Variants in SH3RF3 observed in about 807,000 individuals in gnomAD.
SH3RF3 encodes the protein E3 ubiquitin-protein ligase SH3RF3.
In SH3RF3, 29 loss-of-function variants were observed where a neutral mutation model predicts 66.3. The ratio of observed to expected loss-of-function variants is 0.44; its 90% CI spans 0.33 to 0.60. The LOEUF (loss-of-function observed/expected upper bound fraction) is 0.60, where lower values mean the gene tolerates loss of function less well. Among genes scored for constraint, SH3RF3 ranks in the 20% least tolerant of loss-of-function variants. The pLI is 0.04. For missense variants in SH3RF3, 1,194 were observed against 1,190.9 expected, an observed-to-expected ratio of 1.00 and a Z score of -0.04; for synonymous variants, 583 against 532.0, an observed-to-expected ratio of 1.10 and a Z score of -1.32.
At chr2:109,373,194 T>G (rs1252076429) in intron 3 of SH3RF3, among the ~76,000 whole-genome samples, 3 of 152,252 alleles carry the variant, frequency 2.0e-5, no homozygotes, top group Non-Finnish European at 4.4e-5. Context: ...TTTGCACATT[T>G]GCTTTAGCTT....
intron 1 of SH3RF3, among the ~76,000 whole-genome samples, chr2:109,211,303 C>T (rs1313969424): frequency 6.6e-6 from 1 of 152,152 alleles, no homozygotes; most frequent in Non-Finnish European, 1.5e-5. Flanking sequence ...GGTTACAAGC[C>T]TGGATTTTGT....
chr2:109,224,783 G>A (rs1170942583), intron 1 of SH3RF3, among the ~76,000 whole-genome samples: 1 of 152,160 alleles, frequency 6.6e-6, no homozygotes, highest in Non-Finnish European at 1.5e-5. Flanking sequence ...CTTGAAACCT[G>A]GAGAGGGAGG....
chr2:109,320,367 A>G (rs572724445), intron 1 of SH3RF3, among the ~76,000 whole-genome samples: 7 of 152,212 alleles, frequency 4.6e-5, no homozygotes, highest in Non-Finnish European at 1.0e-4. Flanking sequence ...CCACCTGAGC[A>G]GCAGGTACAA....
intron 1 of SH3RF3, among the ~76,000 whole-genome samples, chr2:109,319,757 C>T (rs7583358): frequency 1.3e-5 from 2 of 152,328 alleles, no homozygotes; most frequent in South Asian, 2.1e-4. Context: ...CTGTCCAGGC[C>T]GTGTGTGGCT....
chr2:109,198,722 G>A (rs1440027144), intron 1 of SH3RF3, among the ~76,000 whole-genome samples: 1 of 152,122 alleles, frequency 6.6e-6, no homozygotes, highest in Non-Finnish European at 1.5e-5. Context: ...CATTCGTGAA[G>A]GTTCCACCCT....
intron 1 of SH3RF3, among the ~76,000 whole-genome samples, chr2:109,213,419 A>G (rs1679038066): frequency 6.6e-6 from 1 of 152,196 alleles, no homozygotes; most frequent in East Asian, 1.9e-4. Context: ...TTTATTAGGG[A>G]AGAAAGTGTT....
At position 109,223,594 on chromosome 2, in the gene SH3RF3, G is replaced by C. The variant is rs1679305651; in HGVS notation, c.573+93481G>C. On this transcript the variant is annotated intron_variant, in intron 1 of 9. Transcript: ENST00000309415. ...GGGCTCCATTCAAGCATCGGTGGAG[G>C]GCAGTAGCACCATGCAGACAACTGG... 2.6e-5 allele frequency among the ~76,000 whole-genome samples: 4 copies of C among 152,094 alleles called. No individual in the cohort carries two copies. In the South Asian group the frequency reaches 6.2e-4, roughly 24 times the overall value.
intron 1 of SH3RF3, among the ~76,000 whole-genome samples, chr2:109,335,638 A>G (rs1004223743): frequency 2.0e-5 from 3 of 151,992 alleles, no homozygotes; most frequent in African/African-American, 4.8e-5. Flanking sequence ...ACTTATTTGT[A>G]TGTTTTGTTG....
intron 1 of SH3RF3, among the ~76,000 whole-genome samples, chr2:109,258,188 T>C (rs1165207009): frequency 6.6e-6 from 1 of 152,182 alleles, no homozygotes; most frequent in Admixed American, 6.5e-5. Context: ...AAGAGTAAAC[T>C]TACCTTAATA....
At chr2:109,197,563 G>T (rs970956790) in intron 1 of SH3RF3, among the ~76,000 whole-genome samples, 1 of 152,238 alleles carries the variant, frequency 6.6e-6, no homozygotes, top group African/African-American at 2.4e-5. Flanking sequence ...TGGCCGGGGA[G>T]GGGTGGGAGG....
intron 3 of SH3RF3, among the ~76,000 whole-genome samples, chr2:109,374,808 G>T (rs994924048): frequency 1.3e-5 from 2 of 152,212 alleles, no homozygotes; most frequent in Non-Finnish European, 2.9e-5. Flanking sequence ...GGGGTTCACC[G>T]AGGGACTCTC....
At chr2:109,474,939 G>GT (rs1270959012) in intron 8 of SH3RF3, among the ~76,000 whole-genome samples, 5 of 152,312 alleles carry the variant, frequency 3.3e-5, no homozygotes, top group Admixed American at 2.6e-4. Flanking sequence ...ACCTTTCAGT[G>GT]TTTTTTGTCT....
At chr2:109,149,806 G>A (rs773255595) in intron 1 of SH3RF3, among the ~76,000 whole-genome samples, 3 of 152,254 alleles carry the variant, frequency 2.0e-5, no homozygotes, top group Admixed American at 6.5e-5. Flanking sequence ...GCTTTGTAGT[G>A]CAGGTATTTT....
chr2:109,297,692 C>T (rs1681349994), intron 1 of SH3RF3, among the ~76,000 whole-genome samples: 1 of 150,878 alleles, frequency 6.6e-6, no homozygotes, highest in African/African-American at 2.4e-5. Context: ...GGGCCAATGC[C>T]CCCCATTCTG....
At chr2:109,263,757 G>A (rs1189901868) in intron 1 of SH3RF3, among the ~76,000 whole-genome samples, 1 of 152,172 alleles carries the variant, frequency 6.6e-6, no homozygotes, top group Non-Finnish European at 1.5e-5. Context: ...ATGAGGTCAG[G>A]AGATTGAGAT....
chr2:109,410,296 G>C (rs1223538178), intron 4 of SH3RF3, among the ~76,000 whole-genome samples: 1 of 152,238 alleles, frequency 6.6e-6, no homozygotes, highest in Non-Finnish European at 1.5e-5. Flanking sequence ...CTCCAGCGCT[G>C]TGTGCCATTC....
intron 1 of SH3RF3, among the ~76,000 whole-genome samples, chr2:109,312,630 A>G (rs1681757567): frequency 6.6e-6 from 1 of 152,190 alleles, no homozygotes; most frequent in South Asian, 2.1e-4. Context: ...CATCCGATAC[A>G]TGGCCCTTTG....
At chr2:109,249,481 C>CTTTA (rs755619576) in intron 1 of SH3RF3, among the ~76,000 whole-genome samples, 1 of 19,446 alleles carries the variant, frequency 5.1e-5, no homozygotes, top group African/African-American at 4.6e-4. Context: ...TTCTTTCTTT[C>CTTTA]TTTCTTTCTT....
intron 1 of SH3RF3, among the ~76,000 whole-genome samples, chr2:109,242,516 C>G (rs993937047): frequency 6.6e-6 from 1 of 152,132 alleles, no homozygotes; most frequent in African/African-American, 2.4e-5. Context: ...ACTGGAGAAG[C>G]GGGAGTGAAT....
Sources: gnomAD v4.1 joint callset for allele counts (sites outside exome capture counted in the v4.1 genomes callset) on GRCh38, gnomAD v4.1.1 for gene constraint, MANE v1.5 for transcripts, NCBI Gene and HGNC (gene_info 2026-07-23, HGNC 2026-07-21) for gene names.